EYS: variants seen among roughly 807,000 people sequenced by gnomAD.
EYS encodes EGF-like photoreceptor maintenance factor.
Under a neutral mutation model 282.1 loss-of-function variants are expected in EYS, and 250 were observed. The observed-to-expected ratio is 0.89, with a 90% CI of 0.80 to 0.98. The LOEUF is 0.98. Ranked by LOEUF, EYS falls within the 50% of genes least tolerant of loss-of-function variation. The probability of loss-of-function intolerance (pLI) is 0.00; values close to 1 mark genes in which losing one functional copy is unlikely to be tolerated. For synonymous variants in EYS, 1,355 were observed against 1,282.9 expected (o/e 1.06, Z -1.20); for missense variants, 4,016 against 3,709.0 (o/e 1.08, Z -2.15).
chr6:64,854,318 C>T (rs1052435138), intron 19 of EYS, among the ~76,000 whole-genome samples: 1 of 151,960 alleles, frequency 6.6e-6, no homozygotes, highest in African/African-American at 2.4e-5. Flanking sequence ...TATTGCGGCA[C>T]TATTCACAAT....
intron 26 of EYS, among the ~76,000 whole-genome samples, chr6:64,506,836 G>A (rs1334244791): frequency 1.4e-5 from 2 of 147,034 alleles, no homozygotes; most frequent in Admixed American, 1.4e-4. Flanking sequence ...GGGAACCCGG[G>A]AGGCGGAGCT....
At chr6:64,872,350 T>C (rs1041631412) in intron 19 of EYS, among the ~76,000 whole-genome samples, 6 of 152,088 alleles carry the variant, frequency 3.9e-5, no homozygotes, top group African/African-American at 1.4e-4. Context: ...ATCCAGACTA[T>C]ATTCAACCTG....
At chr6:64,586,668 C>T (rs1020018975) in intron 26 of EYS, among the ~76,000 whole-genome samples, 5 of 151,932 alleles carry the variant, frequency 3.3e-5, no homozygotes, top group Admixed American at 6.6e-5. Context: ...CAGTAAATTA[C>T]GTTATTAAAT....
intron 1 of EYS, among the ~76,000 whole-genome samples, chr6:65,702,336 C>A (rs1039988222): frequency 6.6e-6 from 1 of 152,138 alleles, no homozygotes; most frequent in Admixed American, 6.5e-5. Flanking sequence ...AGTATTTACA[C>A]TAATTTGATG....
chr6:63,815,525 C>T lies in EYS; in HGVS notation c.7229-9153G>A, dbSNP rs538453901. ...TGACTATCTACCACTTTACTTTCCTCCCAAGTCCTGGCCATGGATGAATAA... is the reference window on the plus strand; with the variant it reads ...TGACTATCTACCACTTTACTTTCCTTCCAAGTCCTGGCCATGGATGAATAA... On this transcript the variant is annotated intron_variant, in intron 36 of 42. Transcript: ENST00000503581. Among the ~76,000 whole-genome samples, 5 of 152,312 alleles carry T rather than the reference C, an allele frequency of 3.3e-5. No individual in the cohort carries two copies. In the South Asian group the frequency reaches 1.0e-3, roughly 32 times the overall value.
intron 36 of EYS, among the ~76,000 whole-genome samples, chr6:63,816,669 C>G (rs1329506835): frequency 6.6e-6 from 1 of 152,216 alleles, no homozygotes. Context: ...TACTCTCTCT[C>G]TTTGGACCAC....
At chr6:65,670,866 G>A (rs891071528) in intron 1 of EYS, among the ~76,000 whole-genome samples, 2 of 151,562 alleles carry the variant, frequency 1.3e-5, no homozygotes, top group African/African-American at 4.8e-5. Flanking sequence ...CACAGTTATA[G>A]CTATCTCACA....
At chr6:64,854,098 C>T (rs1247919956) in intron 19 of EYS, among the ~76,000 whole-genome samples, 7 of 151,936 alleles carry the variant, frequency 4.6e-5, no homozygotes, top group Non-Finnish European at 1.0e-4. Context: ...AGTCAGGAAA[C>T]AACAGGTGCT....
intron 30 of EYS, among the ~76,000 whole-genome samples, chr6:64,277,328 C>T (rs987209179): frequency 6.6e-6 from 1 of 152,082 alleles, no homozygotes; most frequent in African/African-American, 2.4e-5. Flanking sequence ...TATCCAAAGA[C>T]AGTCTGATAA....
intron 41 of EYS, among the ~76,000 whole-genome samples, chr6:63,749,068 T>G (rs1769279337): frequency 6.6e-6 from 1 of 152,218 alleles, no homozygotes; most frequent in Admixed American, 6.5e-5. Flanking sequence ...CTTTTAGTTG[T>G]GATGTTAGGT....
chr6:64,540,145 G>A (rs1764656121), intron 26 of EYS, among the ~76,000 whole-genome samples: 1 of 152,174 alleles, frequency 6.6e-6, no homozygotes, highest in Admixed American at 6.5e-5. Context: ...GCTGCTGTCA[G>A]CTGCCTGCAG....
chr6:65,546,856 C>T (rs1045914204), intron 2 of EYS, among the ~76,000 whole-genome samples: 1 of 152,094 alleles, frequency 6.6e-6, no homozygotes, highest in Non-Finnish European at 1.5e-5. Flanking sequence ...CAGGCATGAG[C>T]GACCACACCC....
chr6:65,205,574 T>C (rs1766014669), intron 12 of EYS, among the ~76,000 whole-genome samples: 1 of 151,862 alleles, frequency 6.6e-6, no homozygotes, highest in Non-Finnish European at 1.5e-5. Flanking sequence ...TTACAGAACA[T>C]TCCACTGAAC....
At chr6:63,721,869 G>A in intron 42 of EYS, 72 bp from the exon 43 acceptor site, 2 of 1,392,962 alleles carry the variant, frequency 1.4e-6, no homozygotes, top group Non-Finnish European at 1.9e-6. Context: ...GCTGTTTCTG[G>A]CCAAGTTGGA....
chr6:65,584,845 A>T (rs1764988735), intron 2 of EYS, among the ~76,000 whole-genome samples: 1 of 151,018 alleles, frequency 6.6e-6, no homozygotes, highest in Admixed American at 6.6e-5. Flanking sequence ...ACACAAATAC[A>T]ATTTACTTAT....
chr6:65,115,282 T>C (rs1205572409), intron 12 of EYS, among the ~76,000 whole-genome samples: 1 of 152,098 alleles, frequency 6.6e-6, no homozygotes, highest in African/African-American at 2.4e-5. Flanking sequence ...ACCTTTCCTA[T>C]GACCATTGAA....
At chr6:64,303,775 A>T (rs1316472753) in intron 30 of EYS, among the ~76,000 whole-genome samples, 1 of 135,754 alleles carries the variant, frequency 7.4e-6, no homozygotes, top group African/African-American at 2.8e-5. Context: ...CGGGAGGCGG[A>T]GCTTGCAGTG....
At chr6:65,441,199 C>T (rs947062530) in intron 5 of EYS, among the ~76,000 whole-genome samples, 3 of 151,480 alleles carry the variant, frequency 2.0e-5, no homozygotes, top group African/African-American at 4.8e-5. Flanking sequence ...TTAATATCAA[C>T]ATAGCATAAT....
At chr6:64,544,341 T>C (rs1381512875) in intron 26 of EYS, among the ~76,000 whole-genome samples, 1 of 152,174 alleles carries the variant, frequency 6.6e-6, no homozygotes, top group Non-Finnish European at 1.5e-5. Context: ...ATTAAGTGAA[T>C]TCAGATCAAA....
Sources: gnomAD v4.1 joint callset for allele counts (sites outside exome capture counted in the v4.1 genomes callset) on GRCh38, gnomAD v4.1.1 for gene constraint, MANE v1.5 for transcripts, NCBI Gene and HGNC (gene_info 2026-07-23, HGNC 2026-07-21) for gene names.